The following CADPS2 variants were observed in gnomAD, a reference collection of about 807,000 sequenced individuals.
CADPS2 encodes calcium-dependent secretion activator 2.
CADPS2 carries 93 observed loss-of-function variants against 172.5 expected under a neutral mutation model. The observed-to-expected ratio is 0.54, with a 90% CI of 0.46 to 0.64. CADPS2 has a LOEUF of 0.64. Ranked by LOEUF, CADPS2 falls within the 30% of genes least tolerant of loss-of-function variation. The pLI, the probability that CADPS2 is intolerant of heterozygous loss-of-function variation, is 0.00. For synonymous variants in CADPS2, 546 were observed against 555.2 expected (o/e 0.98, Z 0.23); for missense variants, 1,420 against 1,565.9 (o/e 0.91, Z 1.57).
intron 7 of CADPS2, among the ~76,000 whole-genome samples, chr7:122,563,655 G>C (rs1420560700): frequency 1.3e-5 from 2 of 152,000 alleles, no homozygotes; most frequent in African/African-American, 4.8e-5. Flanking sequence ...AGAATTTTTA[G>C]AGCCAATTCA....
intron 1 of CADPS2, among the ~76,000 whole-genome samples, chr7:122,760,429 T>C (rs900296441): frequency 1.3e-5 from 2 of 151,990 alleles, no homozygotes; most frequent in Non-Finnish European, 2.9e-5. Flanking sequence ...AGACACACTA[T>C]AATAGTAAGA....
At chr7:122,344,587 G>A (rs994799471) in intron 28 of CADPS2, among the ~76,000 whole-genome samples, 5 of 152,088 alleles carry the variant, frequency 3.3e-5, no homozygotes, top group South Asian at 2.1e-4. Context: ...TTTAAATCAA[G>A]ATAAAAATGT....
At chr7:122,371,629 G>C (rs969532959) in intron 25 of CADPS2, among the ~76,000 whole-genome samples, 1 of 152,082 alleles carries the variant, frequency 6.6e-6, no homozygotes, top group Non-Finnish European at 1.5e-5. Context: ...GGTGAAGTGG[G>C]GGACCATGGT....
intron 28 of CADPS2, among the ~76,000 whole-genome samples, chr7:122,338,067 G>T (rs2036171137): frequency 6.6e-6 from 1 of 152,096 alleles, no homozygotes; most frequent in South Asian, 2.1e-4. Context: ...AGTACACAAT[G>T]AGGTACTGAG....
chr7:122,656,491 G>T (rs2079811096), intron 3 of CADPS2, among the ~76,000 whole-genome samples: 1 of 152,132 alleles, frequency 6.6e-6, no homozygotes, highest in Non-Finnish European at 1.5e-5. Context: ...GCTGCATCCA[G>T]GGAAGAGAAT....
At position 122,886,200 on chromosome 7, in the gene CADPS2, C is replaced by T. The variant is rs1351425840; in HGVS notation, c.138G>A (p.Gly46=). ...PTREGRRDAP[G]RAGGGGAARS... The stretch of plus-strand genomic sequence containing the variant: ...TGGCCGCGCCGCCGCCGCCCGCGCG[C>T]CCCGGCGCGTCCCGCCGCCCTTCCC... Residue 46 remains glycine (G), a synonymous_variant, in exon 1 of 30, where the codon GGG becomes GGA. Coordinates refer to ENST00000449022, the MANE Select transcript of CADPS2 (RefSeq NM_017954.11). 2 of 1,471,760 alleles carry T rather than the reference C, an allele frequency of 1.4e-6. No individual in the cohort carries two copies. The highest frequency in any genetic ancestry group is 2.8e-5 in the South Asian group (2 of 72,414). The allele number at this position is 1,471,760 out of a possible 1,614,324, so 91.2% of individuals were successfully genotyped here. A position where few individuals can be genotyped will look rare whatever the true frequency, so the allele number is the denominator to read the frequency against.
chr7:122,344,284 C>T (rs1373259560), intron 28 of CADPS2, among the ~76,000 whole-genome samples: 1 of 152,172 alleles, frequency 6.6e-6, no homozygotes, highest in Non-Finnish European at 1.5e-5. Context: ...AATAAATAAG[C>T]TTCAAAGCAA....
intron 11 of CADPS2, among the ~76,000 whole-genome samples, chr7:122,485,884 A>T (rs1178828801): frequency 6.6e-6 from 1 of 152,120 alleles, no homozygotes; most frequent in Non-Finnish European, 1.5e-5. Flanking sequence ...CATTTTGAAA[A>T]TCCCAGAGCC....
chr7:122,505,961 C>G (rs1484175109), intron 9 of CADPS2, among the ~76,000 whole-genome samples: 1 of 152,174 alleles, frequency 6.6e-6, no homozygotes, highest in African/African-American at 2.4e-5. Context: ...GTACTAACAC[C>G]TGTAGCTGCT....
chr7:122,327,810 C>A (rs2034171106), intron 28 of CADPS2, among the ~76,000 whole-genome samples: 1 of 151,696 alleles, frequency 6.6e-6, no homozygotes. Context: ...CTAAAGTTAA[C>A]TGCAAAAACA....
At chr7:122,631,369 T>G (rs2076558459) in intron 3 of CADPS2, among the ~76,000 whole-genome samples, 1 of 152,202 alleles carries the variant, frequency 6.6e-6, no homozygotes, top group African/African-American at 2.4e-5. Context: ...CAGCTCTTAC[T>G]TAAGTGTAAG....
intron 9 of CADPS2, among the ~76,000 whole-genome samples, chr7:122,497,415 AT>A (rs1256093093): frequency 6.6e-6 from 1 of 152,024 alleles, no homozygotes; most frequent in Non-Finnish European, 1.5e-5. Flanking sequence ...CATTAACAAA[AT>A]CTCCCTATTT....
chr7:122,681,693 T>C (rs28540575), intron 2 of CADPS2: 108,032 of 951,718 alleles, frequency 0.11, 8,450 homozygotes, highest in African/African-American at 0.32. Flanking sequence ...TGAAGACAGG[T>C]TATTCTCTGG....
chr7:122,381,105 G>GT (rs1563195156), intron 24 of CADPS2, among the ~76,000 whole-genome samples: 2 of 152,116 alleles, frequency 1.3e-5, no homozygotes, highest in Admixed American at 6.5e-5. Context: ...TGGCTGATGG[G>GT]TAGGGTAATC....
chr7:122,748,164 C>T (rs2092797832), intron 1 of CADPS2, among the ~76,000 whole-genome samples: 1 of 152,106 alleles, frequency 6.6e-6, no homozygotes, highest in Non-Finnish European at 1.5e-5. Flanking sequence ...AGCAAAGACT[C>T]CAGCACTGAA....
intron 29 of CADPS2, among the ~76,000 whole-genome samples, chr7:122,323,346 T>C (rs534239801): frequency 1.3e-5 from 2 of 152,196 alleles, no homozygotes; most frequent in South Asian, 2.1e-4. Flanking sequence ...TGGTCAAATA[T>C]TGATCATTAG....
At chr7:122,722,492 G>A (rs2090550076) in intron 2 of CADPS2, among the ~76,000 whole-genome samples, 1 of 151,636 alleles carries the variant, frequency 6.6e-6, no homozygotes. Flanking sequence ...CAAGGGATGT[G>A]AAGGACCTCT....
chr7:122,325,295 C>A (rs1248953696), intron 29 of CADPS2, among the ~76,000 whole-genome samples, 182 bp downstream of exon 29: 5 of 151,574 alleles, frequency 3.3e-5, no homozygotes. Context: ...TTTATTAGTG[C>A]AAAAAAGATA....
At chr7:122,696,358 T>C (rs1172543501) in intron 2 of CADPS2, among the ~76,000 whole-genome samples, 2 of 152,180 alleles carry the variant, frequency 1.3e-5, no homozygotes, top group African/African-American at 4.8e-5. Flanking sequence ...AGAGCTCTTG[T>C]GATTAACACA....
Sources: allele counts gnomAD v4.1 joint callset (sites outside exome capture counted in the v4.1 genomes callset), GRCh38; gene constraint gnomAD v4.1.1; transcripts MANE v1.5; gene names NCBI Gene and HGNC (gene_info 2026-07-23, HGNC 2026-07-21).